Variants in AFF3 observed in about 807,000 individuals in gnomAD.
AFF3 encodes the protein ALF transcription elongation factor 3.
A neutral mutation model predicts 129.7 loss-of-function variants in AFF3; 32 were observed. The ratio of observed to expected loss-of-function variants is 0.25; its 90% confidence interval spans 0.19 to 0.33. The LOEUF (loss-of-function observed/expected upper bound fraction) is 0.33, where lower values mean the gene tolerates loss of function less well. AFF3 is among the 10% of genes least tolerant of loss of function. The pLI is 1.00. For missense variants in AFF3, 1,373 were observed against 1,592.0 expected (o/e 0.86, Z 2.34); for synonymous variants, 644 against 635.4 (o/e 1.01, Z -0.20).
At chr2:99,730,839 A>G (rs955191837) in intron 10 of AFF3, among the ~76,000 whole-genome samples, 1 of 152,164 alleles carries the variant, frequency 6.6e-6, no homozygotes, top group African/African-American at 2.4e-5. Context: ...CTACACAGTT[A>G]TATCAAAAGC....
At chr2:99,655,440 G>T (rs1344834742) in intron 12 of AFF3, among the ~76,000 whole-genome samples, 1 of 152,094 alleles carries the variant, frequency 6.6e-6, no homozygotes, top group Non-Finnish European at 1.5e-5. Context: ...GGGGTGGGTG[G>T]CGAGGGGAGT....
chr2:100,137,550 C>CAT (rs1692686419), intron 1 of AFF3, among the ~76,000 whole-genome samples: 1 of 141,058 alleles, frequency 7.1e-6, no homozygotes, highest in South Asian at 2.2e-4. Context: ...CACACACACA[C>CAT]ACACACACAG....
intron 7 of AFF3, among the ~76,000 whole-genome samples, chr2:99,869,015 T>A (rs535981350): frequency 6.9e-6 from 1 of 145,202 alleles, no homozygotes; most frequent in Non-Finnish European, 1.5e-5. Flanking sequence ...GGTCTCGAAC[T>A]CCTGGCCTCA....
At chr2:99,824,594 A>G (rs1328563133) in intron 8 of AFF3, among the ~76,000 whole-genome samples, 1 of 152,202 alleles carries the variant, frequency 6.6e-6, no homozygotes, top group Non-Finnish European at 1.5e-5. Flanking sequence ...AGAAATACAC[A>G]CACTTGCATA....
chr2:100,106,766 G>A, intron 2 of AFF3: 1 of 985,586 alleles, frequency 1.0e-6, no homozygotes, highest in South Asian at 4.7e-5. Flanking sequence ...GCCGCTGAAG[G>A]ACAAACATAA....
At chr2:99,958,376 T>G (rs762644692) in intron 7 of AFF3, among the ~76,000 whole-genome samples, 2 of 151,396 alleles carry the variant, frequency 1.3e-5, no homozygotes, top group Non-Finnish European at 2.9e-5. Context: ...ACCTGTAATT[T>G]CAGCTACTCG....
At chr2:99,593,132 C>A in intron 15 of AFF3, 63 bp downstream of exon 15, 1 of 1,509,504 alleles carries the variant, frequency 6.6e-7, no homozygotes, top group South Asian at 1.3e-5. Flanking sequence ...TCCAAGTACC[C>A]ACAAGTTAAG....
chr2:100,012,467 G>A (rs994223194), intron 4 of AFF3, among the ~76,000 whole-genome samples: 15 of 152,110 alleles, frequency 9.9e-5, no homozygotes, highest in African/African-American at 2.4e-4. Flanking sequence ...GAGAAAGGCT[G>A]GGCTTCCCAC....
chr2:100,106,163 C>A (rs1573444440), intron 2 of AFF3: 3 of 1,209,948 alleles, frequency 2.5e-6, no homozygotes, highest in Non-Finnish European at 3.2e-6. Flanking sequence ...CTTCCCCCAG[C>A]TCTGAATCAA....
intron 8 of AFF3, among the ~76,000 whole-genome samples, chr2:99,776,573 C>T (rs929697829): frequency 7.9e-5 from 12 of 152,164 alleles, no homozygotes; most frequent in Admixed American, 7.2e-4. Flanking sequence ...AATCACCTGT[C>T]GAGGATGAAT....
intron 17 of AFF3, among the ~76,000 whole-genome samples, chr2:99,582,539 C>G (rs1677670691): frequency 6.6e-6 from 1 of 152,184 alleles, no homozygotes; most frequent in Non-Finnish European, 1.5e-5. Flanking sequence ...ACTTTGAGGT[C>G]TTTTCTTTTC....
At chr2:99,742,027 T>C (rs1047655378) in intron 10 of AFF3, among the ~76,000 whole-genome samples, 2 of 152,176 alleles carry the variant, frequency 1.3e-5, no homozygotes, top group African/African-American at 4.8e-5. Context: ...TATTTTTGTA[T>C]ACATGTGCTG....
intron 10 of AFF3, among the ~76,000 whole-genome samples, chr2:99,732,037 C>T (rs761184458): frequency 3.9e-5 from 6 of 152,150 alleles, no homozygotes; most frequent in Non-Finnish European, 5.9e-5. Flanking sequence ...CCCATCTCTT[C>T]CCACCCTTCC....
chr2:99,808,773 T>C (rs994167516), intron 8 of AFF3, among the ~76,000 whole-genome samples: 7 of 152,344 alleles, frequency 4.6e-5, no homozygotes, highest in South Asian at 2.1e-4. Context: ...TATTTTCACA[T>C]AGAGAAGCAG....
chr2:99,917,959 AT>A (rs956745648), intron 7 of AFF3, among the ~76,000 whole-genome samples: 20 of 152,330 alleles, frequency 1.3e-4, no homozygotes, highest in Non-Finnish European at 2.5e-4. Context: ...GAGAAAAAAA[AT>A]CTTCACAAAT....
intron 22 of AFF3, 33 bp from the exon 23 acceptor site, chr2:99,554,765 C>T: frequency 1.2e-6 from 2 of 1,613,198 alleles, no homozygotes; most frequent in Non-Finnish European, 1.7e-6. Flanking sequence ...ACAGTGAGTG[C>T]CATCTGCGTG....
At chr2:100,113,192 A>T (rs1691586605) in intron 2 of AFF3, among the ~76,000 whole-genome samples, 1 of 152,174 alleles carries the variant, frequency 6.6e-6, no homozygotes, top group South Asian at 2.1e-4. Flanking sequence ...GTCATTTCAG[A>T]TATTGATTTA....
chr2:99,870,572 T>A (rs758584954), intron 7 of AFF3, among the ~76,000 whole-genome samples: 11 of 152,170 alleles, frequency 7.2e-5, no homozygotes, highest in Non-Finnish European at 1.3e-4. Flanking sequence ...ACTTCCTAGA[T>A]AAGGAGGTAA....
At chr2:100,023,506 C>G (rs573235400) in intron 4 of AFF3, among the ~76,000 whole-genome samples, 1 of 152,226 alleles carries the variant, frequency 6.6e-6, no homozygotes, top group African/African-American at 2.4e-5. Flanking sequence ...GCAAATGATT[C>G]CAGATCATCT....
Sources: gnomAD v4.1 joint callset for allele counts (sites outside exome capture counted in the v4.1 genomes callset) on GRCh38, gnomAD v4.1.1 for gene constraint, MANE v1.5 for transcripts, NCBI Gene and HGNC (gene_info 2026-07-23, HGNC 2026-07-21) for gene names.